ADGRG6: variants seen among roughly 807,000 people sequenced by gnomAD.
ADGRG6 encodes G-protein coupled receptor 126.
In ADGRG6, 84 loss-of-function variants were observed where a neutral mutation model predicts 142.4. That is an observed-to-expected ratio of 0.59 (90% CI 0.49 to 0.71). The LOEUF (loss-of-function observed/expected upper bound fraction) is 0.71. ADGRG6 is among the 30% of genes least tolerant of loss of function. The pLI is 0.00. For missense variants in ADGRG6, 1,367 were observed against 1,466.6 expected, an observed-to-expected ratio of 0.93 and a Z score of 1.11; for synonymous variants, 521 against 520.5, an observed-to-expected ratio of 1.00 and a Z score of -0.01.
At position 142,434,781 on chromosome 6, in the gene ADGRG6, G is replaced by A. The variant is rs542637149; in HGVS notation, c.3320-2653G>A. 6.6e-5 allele frequency among the ~76,000 whole-genome samples: 10 copies of A among 152,214 alleles called. No individual in the cohort carries two copies. The South Asian group carries it at 1.5e-3, about 22-fold the overall frequency. On this transcript the variant is annotated intron_variant, in intron 22 of 24. Coordinates refer to ENST00000367609, the MANE Select transcript of ADGRG6 (RefSeq NM_198569.3). ...GCACCTATTAAGTATCAGGGCTTGTGCTCAGTTGCTAATCACCAAACAACA... is the reference window on the plus strand; with the variant it reads ...GCACCTATTAAGTATCAGGGCTTGTACTCAGTTGCTAATCACCAAACAACA...
intron 6 of ADGRG6, among the ~76,000 whole-genome samples, chr6:142,388,979 A>G (rs1303413594): frequency 6.6e-6 from 1 of 152,046 alleles, no homozygotes; most frequent in Non-Finnish European, 1.5e-5. Flanking sequence ...TGTTCCTCCA[A>G]ATATTTTTCA....
At chr6:142,303,133 C>A (rs1163395799) in intron 1 of ADGRG6, among the ~76,000 whole-genome samples, 4 of 152,158 alleles carry the variant, frequency 2.6e-5, no homozygotes, top group Non-Finnish European at 5.9e-5. Flanking sequence ...TAAGAAGTTT[C>A]TTTTTCTTGT....
At chr6:142,349,805 TA>T (rs1780077014) in intron 2 of ADGRG6, among the ~76,000 whole-genome samples, 1 of 152,210 alleles carries the variant, frequency 6.6e-6, no homozygotes, top group African/African-American at 2.4e-5. Context: ...CAAGGTTACA[TA>T]AAAATGGCAA....
chr6:142,410,657 C>A (rs1776037054), intron 17 of ADGRG6, among the ~76,000 whole-genome samples: 1 of 152,010 alleles, frequency 6.6e-6, no homozygotes, highest in Non-Finnish European at 1.5e-5. Context: ...CACAGCAAGA[C>A]AGGAGTTTTT....
At position 142,405,683 on chromosome 6, in the gene ADGRG6, G is replaced by T. The variant is rs1178928262; in HGVS notation, c.2128-5G>T. On this transcript the variant is annotated splice_polypyrimidine_tract_variant and splice_region_variant and intron_variant, in intron 14 of 24. Coordinates refer to ENST00000367609, the MANE Select transcript of ADGRG6 (RefSeq NM_198569.3). ...TTGACCAATATATCTGTGTGTGTGT[G>T]ACAGATGGATTTTGAGAGTGGACAA... The T allele has an allele frequency of 6.2e-7, 1 of 1,600,150 alleles. No individual in the cohort carries two copies.
chr6:142,308,135 A>G (rs1335937062), intron 1 of ADGRG6, among the ~76,000 whole-genome samples: 1 of 152,006 alleles, frequency 6.6e-6, no homozygotes, highest in Non-Finnish European at 1.5e-5. Context: ...GAATGATAGT[A>G]ATCATAATAA....
intron 10 of ADGRG6, among the ~76,000 whole-genome samples, chr6:142,398,873 T>G (rs1775349725): frequency 6.6e-6 from 1 of 152,172 alleles, no homozygotes; most frequent in South Asian, 2.1e-4. Context: ...CATATATATA[T>G]ATGTATATAT....
At chr6:142,414,356 A>G (rs1340821184) in intron 18 of ADGRG6, among the ~76,000 whole-genome samples, 2 of 152,202 alleles carry the variant, frequency 1.3e-5, no homozygotes, top group Admixed American at 1.3e-4. Context: ...TACTATAGGA[A>G]TAAAAAAGTC....
chr6:142,407,169 T>TA (rs1291843058), intron 15 of ADGRG6, among the ~76,000 whole-genome samples: 10 of 108,746 alleles, frequency 9.2e-5, no homozygotes, highest in African/African-American at 4.4e-4. Context: ...ACCCGTCTCT[T>TA]TAAAAAAAAA....
chr6:142,302,114 T>C lies in ADGRG6; in HGVS notation c.-216T>C. ...GACCTGCCGCCAGCCTGCTTCCTCG[T>C]CCGCAGGCCCTGCGCTGAACGCTGC... On this transcript the variant is annotated 5_prime_UTR_variant, in exon 1 of 25. Transcript: ENST00000367609. The C allele has an allele frequency of 1.8e-6, 1 of 545,330 alleles. No homozygotes were observed. The highest frequency in any genetic ancestry group is 2.7e-5 in the South Asian group (1 of 36,900). 33.8% of individuals were successfully genotyped at this position (545,330 alleles called of 1,614,324 possible).
At position 142,419,821 on chromosome 6, in the gene ADGRG6, C is replaced by T. The variant is rs759560257; in HGVS notation, c.3036C>T (p.Phe1012=). ...ESYGKEKGDE[F]CWIQDPVIFY... The stretch of plus-strand genomic sequence containing the variant: ...TCTTTCTCATTTCTTCTTTTTTAAG[C>T]TGTTGGATTCAAGATCCAGTCATAT... Residue 1012 remains phenylalanine, a splice_region_variant and synonymous_variant, in exon 22 of 25, where the codon TTC becomes TTT. Coordinates refer to ENST00000367609, the MANE Select transcript of ADGRG6 (RefSeq NM_198569.3). 4 of 1,593,830 alleles carry T rather than the reference C, an allele frequency of 2.5e-6. No homozygotes were observed. Among genetic ancestry groups the T allele is most frequent in the Non-Finnish European group, 3.4e-6 (4 of 1,168,642 alleles).
chr6:142,407,267 T>C (rs1356474325), intron 15 of ADGRG6, among the ~76,000 whole-genome samples: 1 of 151,450 alleles, frequency 6.6e-6, no homozygotes, highest in Non-Finnish European at 1.5e-5. Flanking sequence ...TGCTCCCCTA[T>C]CATAGAGGGC....
chr6:142,322,870 C>A (rs1243785040), intron 2 of ADGRG6, among the ~76,000 whole-genome samples: 2 of 152,050 alleles, frequency 1.3e-5, no homozygotes, highest in African/African-American at 4.8e-5. Context: ...CTCCACAAAT[C>A]TTTATAAATT....
chr6:142,320,328 TAAATC>T (rs1003529241), intron 2 of ADGRG6, among the ~76,000 whole-genome samples: 10 of 152,110 alleles, frequency 6.6e-5, no homozygotes, highest in Admixed American at 6.6e-4. Flanking sequence ...ATTAAAAACT[TAAATC>T]TATGTTGGAT....
At chr6:142,351,110 G>A (rs567782639) in intron 2 of ADGRG6, among the ~76,000 whole-genome samples, 243 of 152,110 alleles carry the variant, frequency 1.6e-3, no homozygotes, top group Middle Eastern at 6.8e-3. Context: ...GCATGGTGGC[G>A]GGCACCTGTA....
intron 4 of ADGRG6, among the ~76,000 whole-genome samples, chr6:142,375,423 A>T (rs1781456265): frequency 6.6e-6 from 1 of 152,160 alleles, no homozygotes. Context: ...TTCAGGAGAA[A>T]TGATGGGAGA....
At chr6:142,425,683 G>A (rs573753554) in intron 22 of ADGRG6, among the ~76,000 whole-genome samples, 1 of 152,136 alleles carries the variant, frequency 6.6e-6, no homozygotes, top group African/African-American at 2.4e-5. Flanking sequence ...AGCTGGGTCT[G>A]CTGTGGCATC....
rs17071738 is a variant in ADGRG6, at chr6:142,372,138, A to G, written c.1069+1345A>G. 0.014 allele frequency among the ~76,000 whole-genome samples: 2,122 copies of G among 152,198 alleles called. 130 individuals are homozygous for G. In the East Asian group the frequency reaches 0.21, roughly 15 times the overall value. The stretch of plus-strand genomic sequence containing the variant: ...TTCTGTGTGATAAAAATTGTATTAA[A>G]ATAGATCTCCACCTAATATTCTCCA... On this transcript the variant is annotated intron_variant, in intron 4 of 24. Coordinates refer to ENST00000367609, the MANE Select transcript of ADGRG6 (RefSeq NM_198569.3).
intron 6 of ADGRG6, among the ~76,000 whole-genome samples, chr6:142,388,159 A>G (rs995236875): frequency 4.6e-5 from 7 of 152,058 alleles, no homozygotes; most frequent in Non-Finnish European, 7.4e-5. Flanking sequence ...CAGTGGGCAT[A>G]TTTTTTTATG....
Sources: allele counts gnomAD v4.1 joint callset (sites outside exome capture counted in the v4.1 genomes callset), GRCh38; gene constraint gnomAD v4.1.1; transcripts MANE v1.5; gene names NCBI Gene and HGNC (gene_info 2026-07-23, HGNC 2026-07-21).